The following ADGRL2 variants were observed in gnomAD, a reference collection of about 807,000 sequenced individuals.
The protein encoded by ADGRL2 is calcium-independent alpha-latrotoxin receptor 2.
A neutral mutation model predicts 157.4 loss-of-function variants in ADGRL2; 44 were observed. That is an observed-to-expected ratio of 0.28 (90% CI 0.22 to 0.36). ADGRL2 has a LOEUF of 0.36. Among genes scored for constraint, ADGRL2 ranks in the 10% least tolerant of loss-of-function variants. The probability of loss-of-function intolerance (pLI) is 1.00; values close to 1 mark genes in which losing one functional copy is unlikely to be tolerated. For missense variants in ADGRL2, 1,510 were observed against 1,768.9 expected (o/e 0.85, Z 2.63); for synonymous variants, 585 against 624.7 (o/e 0.94, Z 0.95).
intron 1 of ADGRL2, among the ~76,000 whole-genome samples, chr1:81,355,931 GA>G (rs35737223): frequency 0.25 from 37,249 of 151,924 alleles, 5,325 homozygotes; most frequent in East Asian, 0.62. Context: ...GCCAAATTAA[GA>G]AAAAAATGTG....
chr1:81,571,758 T>G (rs2080698297), intron 2 of ADGRL2, among the ~76,000 whole-genome samples: 1 of 152,156 alleles, frequency 6.6e-6, no homozygotes, highest in African/African-American at 2.4e-5. Flanking sequence ...TTTTGATAAT[T>G]CTTAATTCTG....
At chr1:81,481,552 T>G (rs1413232817) in intron 2 of ADGRL2, among the ~76,000 whole-genome samples, 2 of 152,184 alleles carry the variant, frequency 1.3e-5, no homozygotes, top group East Asian at 3.9e-4. Flanking sequence ...TCTCCCTGAT[T>G]TGGGGGAAGA....
intron 18 of ADGRL2, among the ~76,000 whole-genome samples, 163 bp downstream of exon 18, chr1:81,980,123 G>C (rs2149430576): frequency 6.6e-6 from 1 of 151,660 alleles, no homozygotes; most frequent in Middle Eastern, 3.4e-3. Context: ...CACTGATACT[G>C]GTCAAAAATT....
rs187690923 is a variant in ADGRL2 at position 81,751,856 on chromosome 1, T to C, written c.-142-9955T>C. On this transcript the variant is annotated intron_variant, in intron 1 of 20. Transcript: ENST00000359929. ...AATGTTATTTGTCATTACAACAATTTTGTGATTTAAGATTGTTTCAAAATA... is the reference window on the plus strand; with the variant it reads ...AATGTTATTTGTCATTACAACAATTCTGTGATTTAAGATTGTTTCAAAATA... Among the ~76,000 whole-genome samples, 138 of 152,372 alleles carry C rather than the reference T, an allele frequency of 9.1e-4. 1 individual carries two copies. Among genetic ancestry groups the C allele is most frequent in the Non-Finnish European group, 1.5e-3 (100 of 68,030 alleles).
chr1:81,950,326 C>T lies in ADGRL2; in HGVS notation c.1348C>T (p.Pro450Ser), dbSNP rs1189026835. 4.3e-6 allele frequency: 7 copies of T among 1,614,044 alleles called. No individual in the cohort carries two copies. The highest frequency in any genetic ancestry group is 5.1e-6 in the Non-Finnish European group (6 of 1,179,960). The change falls in exon 7 of 24, where the codon CCA becomes TCA. Residue 450 changes from proline (P) to serine (S), a missense_variant. Transcript: ENST00000686636. ...ACAGGAAGGAAGCAAAGGGACAAAACCACCTCCAGCAGTTTCTACAACCAA... is the reference window on the plus strand; with the variant it reads ...ACAGGAAGGAAGCAAAGGGACAAAATCACCTCCAGCAGTTTCTACAACCAA... ...GSQEGSKGTK[P>S]PPAVSTTKIP...
intron 1 of ADGRL2, among the ~76,000 whole-genome samples, chr1:81,726,050 C>CT (rs1368001891): frequency 6.6e-6 from 1 of 152,130 alleles, no homozygotes; most frequent in Non-Finnish European, 1.5e-5. Flanking sequence ...TCTTTAGGCA[C>CT]TGTTGATTCA....
intron 1 of ADGRL2, among the ~76,000 whole-genome samples, chr1:81,704,883 C>T (rs1226354539): frequency 6.6e-6 from 1 of 152,024 alleles, no homozygotes; most frequent in Non-Finnish European, 1.5e-5. Flanking sequence ...AACTCAAATA[C>T]TGGATGACAT....
chr1:81,989,949 TA>T (rs1288507788), intron 23 of ADGRL2: 1 of 985,160 alleles, frequency 1.0e-6, no homozygotes, highest in African/African-American at 1.7e-5. Context: ...TATTGTGACT[TA>T]CTCCTTTTTA....
chr1:81,862,284 G>A (rs774572530), intron 2 of ADGRL2, among the ~76,000 whole-genome samples: 6 of 151,964 alleles, frequency 3.9e-5, no homozygotes, highest in Non-Finnish European at 2.9e-5. Context: ...TTGTTTTTAC[G>A]TTATGGGTAA....
chr1:81,578,723 C>T (rs893307483), intron 2 of ADGRL2, among the ~76,000 whole-genome samples: 7 of 151,928 alleles, frequency 4.6e-5, no homozygotes, highest in African/African-American at 1.7e-4. Flanking sequence ...ACAACAAACC[C>T]CATCTGTTTT....
intron 2 of ADGRL2, among the ~76,000 whole-genome samples, chr1:81,469,579 G>A (rs148856457): frequency 2.0e-5 from 3 of 151,984 alleles, no homozygotes; most frequent in Non-Finnish European, 4.4e-5. Context: ...CCCAGTTTAA[G>A]CATGAAAAAG....
rs770699535 is a variant in ADGRL2 at position 81,991,923 on chromosome 1, TCTA to T, written c.*781_*783del. 14 of 152,658 alleles carry T rather than the reference TCTA, an allele frequency of 9.2e-5. No individual in the cohort carries two copies. Among genetic ancestry groups the T allele is most frequent in the African/African-American group, 3.1e-4 (13 of 41,466 alleles). 9.5% of individuals were successfully genotyped at this position (152,658 alleles called of 1,614,324 possible). ...TTTCTTACACTTTGTCATGGTAAGT[TCTA>T]CTCATTTTCACTTCTTTTCCACTGT... On this transcript the variant is annotated 3_prime_UTR_variant, in exon 24 of 24. Transcript: ENST00000686636.
rs550721647 is a variant in ADGRL2 at position 81,419,321 on chromosome 1, A to C, written c.-301-25715A>C. On this transcript the variant is annotated intron_variant, in intron 1 of 24. Coordinates refer to the ADGRL2 transcript ENST00000370721. Reference sequence around the variant, plus strand: ...TGGGTTCAAGCAATTCTCCTGCCTCAGCCTCCCTAGTAGCTGGGATTACAG... The same window carrying C: ...TGGGTTCAAGCAATTCTCCTGCCTCCGCCTCCCTAGTAGCTGGGATTACAG... Among the ~76,000 whole-genome samples, 10 of 152,246 alleles carry C rather than the reference A, an allele frequency of 6.6e-5. No individual in the cohort carries two copies. In the South Asian group the frequency reaches 2.1e-3, roughly 32 times the overall value.
At chr1:81,929,033 C>T (rs1240296321) in intron 3 of ADGRL2, among the ~76,000 whole-genome samples, 1 of 152,156 alleles carries the variant, frequency 6.6e-6, no homozygotes, top group Non-Finnish European at 1.5e-5. Context: ...TGAACTAATT[C>T]TTTAATTAGT....
intron 1 of ADGRL2, among the ~76,000 whole-genome samples, chr1:81,832,606 G>A (rs1476829568): frequency 6.6e-6 from 1 of 152,212 alleles, no homozygotes; most frequent in African/African-American, 2.4e-5. Context: ...TGTATAAATA[G>A]TTTAATTAAT....
chr1:81,478,744 TCA>T (rs373246224), intron 2 of ADGRL2, among the ~76,000 whole-genome samples: 5 of 152,226 alleles, frequency 3.3e-5, no homozygotes, highest in Non-Finnish European at 7.3e-5. Flanking sequence ...TCTCTGTGGT[TCA>T]GAGTTTGTGC....
intron 2 of ADGRL2, among the ~76,000 whole-genome samples, chr1:81,468,718 C>T (rs2078110928): frequency 6.6e-6 from 1 of 152,168 alleles, no homozygotes; most frequent in African/African-American, 2.4e-5. Context: ...CTGTGTGTAG[C>T]TCAGCATTCA....
chr1:81,681,588 T>G (rs2083115077), intron 3 of ADGRL2, among the ~76,000 whole-genome samples: 1 of 152,214 alleles, frequency 6.6e-6, no homozygotes, highest in Non-Finnish European at 1.5e-5. Flanking sequence ...GCTAACAAGT[T>G]TGCTTTTACA....
intron 1 of ADGRL2, among the ~76,000 whole-genome samples, chr1:81,413,706 A>G (rs1570900169): frequency 6.6e-6 from 1 of 152,232 alleles, no homozygotes; most frequent in Admixed American, 6.5e-5. Context: ...GATTTTTGTC[A>G]AGAAAAAGAG....
Sources: allele counts gnomAD v4.1 joint callset (sites outside exome capture counted in the v4.1 genomes callset), GRCh38; gene constraint gnomAD v4.1.1; transcripts MANE v1.5; gene names NCBI Gene and HGNC (gene_info 2026-07-23, HGNC 2026-07-21).